Variants in NIPBL observed in about 807,000 individuals in gnomAD.
The protein encoded by NIPBL is nipped-B-like protein.
In NIPBL, 19 loss-of-function variants were observed where a neutral mutation model predicts 321.8. That is an observed-to-expected ratio of 0.06 (90% CI 0.04 to 0.09). NIPBL has a LOEUF of 0.09. NIPBL is among the 10% of genes least tolerant of loss of function. NIPBL has a pLI of 1.00. For synonymous variants in NIPBL, 1,106 were observed against 1,114.1 expected, an observed-to-expected ratio of 0.99 and a Z score of 0.14; for missense variants, 2,210 against 3,327.0, an observed-to-expected ratio of 0.66 and a Z score of 8.26.
chr5:36,952,053 T>TGCGCGC lies in NIPBL; in HGVS notation c.-79-1550_-79-1545dup, dbSNP rs1554010277. Among the ~76,000 whole-genome samples the TGCGCGC allele has an allele frequency of 8.9e-3, 1,002 of 112,110 alleles. 12 individuals are homozygous for TGCGCGC. The highest frequency in any genetic ancestry group is 0.012 in the Non-Finnish European group (666 of 53,620). 73.5% of individuals were successfully genotyped at this position (112,110 alleles called of 152,430 possible). On this transcript the variant is annotated intron_variant, in intron 1 of 46. Transcript: ENST00000282516. ...GTGTGTGTGTGTGTGTGTGTGTGTG[T>TGCGCGC]GCGCGCGCGCGCGCGCGCGCATGTG...
At chr5:37,028,955 C>CT (rs1750640304) in intron 32 of NIPBL, among the ~76,000 whole-genome samples, 1 of 152,140 alleles carries the variant, frequency 6.6e-6, no homozygotes, top group African/African-American at 2.4e-5. Context: ...TAATAGTCCA[C>CT]TTTTTTTCTG....
chr5:37,063,640 T>G, intron 45 of NIPBL, 150 bp from the exon 46 acceptor site: 5 of 739,210 alleles, frequency 6.8e-6, no homozygotes, highest in South Asian at 1.9e-5. Context: ...CCTGGCTGTT[T>G]ACAGAAAATG....
chr5:37,064,269 A>G (rs144891615), intron 46 of NIPBL: 99 of 1,362,280 alleles, frequency 7.3e-5, no homozygotes, highest in African/African-American at 1.0e-4. Context: ...TTATGTAGCT[A>G]TATGGTTCAT....
chr5:36,892,033 C>A (rs1211751579), intron 1 of NIPBL, among the ~76,000 whole-genome samples: 1 of 152,020 alleles, frequency 6.6e-6, no homozygotes, highest in Non-Finnish European at 1.5e-5. Flanking sequence ...GTACCAAAAC[C>A]TGTATCACCT....
chr5:37,044,217 TA>T (rs1418868612), intron 34 of NIPBL, 129 bp from the exon 35 acceptor site: 1 of 825,150 alleles, frequency 1.2e-6, no homozygotes, highest in Non-Finnish European at 1.9e-6. Flanking sequence ...AAAAAAACTC[TA>T]ACAGACTTTT....
chr5:36,955,427 TC>T (rs1740830245), intron 2 of NIPBL, 44 bp from the exon 3 acceptor site: 3 of 1,519,426 alleles, frequency 2.0e-6, no homozygotes, highest in African/African-American at 2.7e-5. Context: ...TAAAGAGACT[TC>T]TATAGTCACT....
In NIPBL at chr5:36,996,684, G is replaced by C. The variant is rs1232474856; in HGVS notation, c.3304+880G>C. ...ACTTAAACGGCATTCAGTGGAAACA[G>C]ACTATGGGAGATCTTCACTTGTGTG... On this transcript the variant is annotated intron_variant, in intron 11 of 46. Transcript: ENST00000282516. The surrounding 1 kb of genome is among the most constrained non-coding windows in gnomAD (Gnocchi z 5.0). The C allele has an allele frequency of 5.8e-6, 2 of 346,074 alleles. No individual in the cohort carries two copies. The highest frequency in any genetic ancestry group is 1.1e-5 in the Non-Finnish European group (2 of 174,704). 21.4% of individuals were successfully genotyped at this position (346,074 alleles called of 1,614,324 possible). A position where few individuals can be genotyped will look rare whatever the true frequency, so the allele number is the denominator to read the frequency against.
At chr5:37,061,409 G>A (rs1407214033) in intron 45 of NIPBL, among the ~76,000 whole-genome samples, 1 of 152,198 alleles carries the variant, frequency 6.6e-6, no homozygotes, top group African/African-American at 2.4e-5. Context: ...TGCGTGAGGT[G>A]GCTCACACCT....
chr5:37,042,267 T>G (rs768710049), intron 34 of NIPBL, among the ~76,000 whole-genome samples: 1 of 150,076 alleles, frequency 6.7e-6, no homozygotes, highest in Non-Finnish European at 1.5e-5. Flanking sequence ...AAACCCTGTC[T>G]CTACTAAAAA....
chr5:37,052,261 T>TAA, intron 41 of NIPBL, 105 bp from the exon 42 acceptor site: 3 of 864,864 alleles, frequency 3.5e-6, no homozygotes, highest in East Asian at 2.6e-5. Context: ...TTATTTTAAT[T>TAA]AAAAAAAAAC....
At chr5:37,043,426 G>C (rs947206126) in intron 34 of NIPBL, among the ~76,000 whole-genome samples, 19 of 151,756 alleles carry the variant, frequency 1.3e-4, no homozygotes, top group African/African-American at 4.1e-4. Flanking sequence ...TACTCGGGTG[G>C]CTGAGTCAGG....
At chr5:36,916,249 T>TAA (rs1748447534) in intron 1 of NIPBL, among the ~76,000 whole-genome samples, 1 of 152,240 alleles carries the variant, frequency 6.6e-6, no homozygotes, top group Non-Finnish European at 1.5e-5. Flanking sequence ...TTTTCTTATT[T>TAA]ATAAGAGGCA....
Position 37,024,143 on chromosome 5 carries a change from G to A in NIPBL, c.5575-442G>A, listed in dbSNP as rs1410219684. Among the ~76,000 whole-genome samples the A allele has an allele frequency of 6.1e-4, 92 of 151,288 alleles. 1 individual carries two copies. Among genetic ancestry groups the A allele is most frequent in the Non-Finnish European group, 7.4e-5 (5 of 67,814 alleles). Reference sequence around the variant, plus strand: ...TCGCACCATTGTTACCCCAGCCTGGGCGAGAAGAGCAAAACTCCATCCCAA... The same window carrying A: ...TCGCACCATTGTTACCCCAGCCTGGACGAGAAGAGCAAAACTCCATCCCAA... On this transcript the variant is annotated intron_variant, in intron 29 of 46. Coordinates refer to ENST00000282516, the MANE Select transcript of NIPBL (RefSeq NM_133433.4).
At chr5:37,036,684 C>CT (rs1191959450) in intron 33 of NIPBL, among the ~76,000 whole-genome samples, 197 bp downstream of exon 33, 1 of 149,638 alleles carries the variant, frequency 6.7e-6, no homozygotes, top group Non-Finnish European at 1.5e-5. Context: ...CTAAGATTAT[C>CT]TAGAGCATTG....
chr5:37,043,034 C>A (rs1371433308), intron 34 of NIPBL, among the ~76,000 whole-genome samples: 1 of 151,720 alleles, frequency 6.6e-6, no homozygotes, highest in Non-Finnish European at 1.5e-5. Flanking sequence ...TAAAAAGTCT[C>A]TACCTGTTTT....
At chr5:37,004,564 C>T (rs1322496003) in intron 16 of NIPBL, among the ~76,000 whole-genome samples, 1 of 151,978 alleles carries the variant, frequency 6.6e-6, no homozygotes, top group Non-Finnish European at 1.5e-5. Flanking sequence ...ACCACAATGC[C>T]TGGCCAATTA....
intron 21 of NIPBL, among the ~76,000 whole-genome samples, chr5:37,012,468 T>C (rs2149684625): frequency 6.8e-6 from 1 of 147,750 alleles, no homozygotes; most frequent in East Asian, 1.9e-4. Flanking sequence ...TTTTTTTTTT[T>C]TTTTTTTTTT....
At chr5:36,942,453 A>AAT (rs1739199956) in intron 1 of NIPBL, among the ~76,000 whole-genome samples, 1 of 146,078 alleles carries the variant, frequency 6.8e-6, no homozygotes, top group South Asian at 2.2e-4. Context: ...AAAAAAAAAA[A>AAT]AAAAGGCCAG....
chr5:36,892,230 G>T (rs1746385440), intron 1 of NIPBL, among the ~76,000 whole-genome samples: 1 of 152,086 alleles, frequency 6.6e-6, no homozygotes, highest in South Asian at 2.1e-4. Flanking sequence ...AATCAAAACT[G>T]CAATAAGATA....
Sources: gnomAD v4.1 joint callset for allele counts (sites outside exome capture counted in the v4.1 genomes callset) on GRCh38, gnomAD v4.1.1 for gene constraint, Gnocchi (gnomAD v3.1) non-coding constraint, MANE v1.5 for transcripts, NCBI Gene and HGNC (gene_info 2026-07-23, HGNC 2026-07-21) for gene names.